The following BLK variants were observed in gnomAD, a reference collection of about 807,000 sequenced individuals.
BLK encodes the protein BLK proto-oncogene, Src family tyrosine kinase.
Under a neutral mutation model 61.8 loss-of-function variants are expected in BLK, and 64 were observed. The observed-to-expected ratio is 1.03, with a 90% CI of 0.85 to 1.27. The LOEUF is 1.27. BLK is among the 50% of genes most tolerant of loss of function. The probability of loss-of-function intolerance (pLI) is 0.00; values close to 1 mark genes in which losing one functional copy is unlikely to be tolerated. For synonymous variants in BLK, 351 were observed against 272.0 expected, an observed-to-expected ratio of 1.29 and a Z score of -2.86; for missense variants, 853 against 660.5, an observed-to-expected ratio of 1.29 and a Z score of -3.19.
intron 1 of BLK, among the ~76,000 whole-genome samples, chr8:11,517,233 G>A (rs1175037877): frequency 1.3e-5 from 2 of 152,198 alleles, no homozygotes; most frequent in South Asian, 2.1e-4. Context: ...TCCATTCCTG[G>A]CTGCCTGTGG....
At chr8:11,497,881 T>A (rs1798414316) in intron 1 of BLK, among the ~76,000 whole-genome samples, 1 of 152,130 alleles carries the variant, frequency 6.6e-6, no homozygotes, top group Non-Finnish European at 1.5e-5. Context: ...GCCAGCCAGG[T>A]CAGTCTGGCT....
intron 1 of BLK, among the ~76,000 whole-genome samples, chr8:11,513,964 G>T (rs1199649815): frequency 6.6e-6 from 1 of 152,188 alleles, no homozygotes; most frequent in Non-Finnish European, 1.5e-5. Flanking sequence ...TCTGACTTTT[G>T]CAAGGGAAAT....
chr8:11,556,128 G>T (rs930002674), intron 8 of BLK: 11 of 226,872 alleles, frequency 4.8e-5, no homozygotes, highest in South Asian at 3.7e-4. Context: ...CAAGGCCCAT[G>T]TCCTCTAGAA....
At chr8:11,511,649 C>T (rs563536700) in intron 1 of BLK, among the ~76,000 whole-genome samples, 158 of 152,316 alleles carry the variant, frequency 1.0e-3, no homozygotes, top group Non-Finnish European at 2.0e-3. Context: ...AGGTTTCCCA[C>T]TTATTATTGT....
intron 10 of BLK, 142 bp downstream of exon 10, chr8:11,558,180 TC>T: frequency 1.2e-6 from 1 of 807,376 alleles, no homozygotes; most frequent in Non-Finnish European, 2.1e-6. Context: ...TAGGCAGATA[TC>T]CCCAAGGTCA....
At chr8:11,506,195 G>A (rs569813903) in intron 1 of BLK, among the ~76,000 whole-genome samples, 23 of 152,348 alleles carry the variant, frequency 1.5e-4, no homozygotes, top group Middle Eastern at 3.4e-3. Flanking sequence ...TTGCCACATC[G>A]TGGGGTGTCT....
intron 7 of BLK, 112 bp from the exon 8 acceptor site, chr8:11,555,220 C>A: frequency 7.1e-7 from 1 of 1,401,800 alleles, no homozygotes; most frequent in Non-Finnish European, 1.0e-6. Context: ...CACACCCATG[C>A]AGGGGGTGGG....
chr8:11,533,603 AG>A (rs1799987132), intron 1 of BLK, among the ~76,000 whole-genome samples: 2 of 115,412 alleles, frequency 1.7e-5, no homozygotes, highest in Non-Finnish European at 3.6e-5. Flanking sequence ...GAGGAGGAGG[AG>A]AAGGAGGAGG....
intron 1 of BLK, among the ~76,000 whole-genome samples, chr8:11,525,458 G>A (rs1799618015): frequency 6.8e-6 from 1 of 147,156 alleles, no homozygotes; most frequent in Admixed American, 6.9e-5. Flanking sequence ...ACACAAGCAG[G>A]ATTATATCAT....
chr8:11,500,182 G>T (rs994423089), intron 1 of BLK, among the ~76,000 whole-genome samples: 1 of 152,048 alleles, frequency 6.6e-6, no homozygotes, highest in Admixed American at 6.6e-5. Flanking sequence ...AGATTGATTT[G>T]GGGGGTGTTT....
At chr8:11,505,864 C>A (rs560806139) in intron 1 of BLK, among the ~76,000 whole-genome samples, 2 of 152,216 alleles carry the variant, frequency 1.3e-5, no homozygotes, top group Non-Finnish European at 2.9e-5. Context: ...CACTTCAGAG[C>A]TTTTGCCAAC....
intron 3 of BLK, 102 bp downstream of exon 3, chr8:11,546,205 T>C: frequency 7.1e-7 from 1 of 1,399,204 alleles, no homozygotes; most frequent in Non-Finnish European, 1.0e-6. Flanking sequence ...GCTTGAGGGC[T>C]GGAGAAGAGA....
At chr8:11,550,763 C>T (rs1176081396) in intron 6 of BLK, among the ~76,000 whole-genome samples, 2 of 152,394 alleles carry the variant, frequency 1.3e-5, no homozygotes, top group South Asian at 2.1e-4. Flanking sequence ...TTCAAATCCA[C>T]TGACTGAGCA....
chr8:11,543,549 T>C (rs1224330796), intron 2 of BLK, among the ~76,000 whole-genome samples: 1 of 152,172 alleles, frequency 6.6e-6, no homozygotes, highest in African/African-American at 2.4e-5. Flanking sequence ...CCAGAGCTCA[T>C]TTCTCGAGGG....
At chr8:11,560,440 C>T (rs112030975) in intron 10 of BLK, 310 of 232,962 alleles carry the variant, frequency 1.3e-3, no homozygotes, top group African/African-American at 6.0e-3. Flanking sequence ...CATAGATAAA[C>T]CAACAAAATG....
chr8:11,549,594 G>A (rs1048299158), intron 5 of BLK, among the ~76,000 whole-genome samples: 21 of 152,232 alleles, frequency 1.4e-4, no homozygotes, highest in Admixed American at 5.9e-4. Context: ...TTTCGGACTC[G>A]GCCAGCCAGA....
At chr8:11,540,330 C>T (rs940360036) in intron 1 of BLK, among the ~76,000 whole-genome samples, 31 of 152,090 alleles carry the variant, frequency 2.0e-4, no homozygotes, top group African/African-American at 7.2e-4. Context: ...TTCACATACG[C>T]GATTCCTGTA....
chr8:11,560,694 C>T (rs548723783), intron 10 of BLK: 3 of 368,632 alleles, frequency 8.1e-6, no homozygotes, highest in Non-Finnish European at 1.6e-5. Flanking sequence ...CCTGGATCTG[C>T]CAGTGCTCCC....
chr8:11,523,581 A>G (rs1179709379), intron 1 of BLK, among the ~76,000 whole-genome samples: 1 of 152,196 alleles, frequency 6.6e-6, no homozygotes. Flanking sequence ...TAGTAAGTTA[A>G]AAAGCATAAC....
Sources: gnomAD v4.1 joint callset for allele counts (sites outside exome capture counted in the v4.1 genomes callset) on GRCh38, gnomAD v4.1.1 for gene constraint, MANE v1.5 for transcripts, NCBI Gene and HGNC (gene_info 2026-07-23, HGNC 2026-07-21) for gene names.